INSL6: variants seen among roughly 807,000 people sequenced by gnomAD.
INSL6 encodes the protein insulin-like peptide INSL6.
In INSL6, 16 loss-of-function variants were observed where a neutral mutation model predicts 9.4. That is an observed-to-expected ratio of 1.70 (90% CI 1.15 to 2.59). INSL6 has a LOEUF of 2.59. Ranked by LOEUF, INSL6 falls within the 30% of genes most tolerant of loss-of-function variation. INSL6 has a pLI of 0.00. For synonymous variants in INSL6, 154 were observed against 96.9 expected, an observed-to-expected ratio of 1.59 and a Z score of -3.46; for missense variants, 391 against 257.3, an observed-to-expected ratio of 1.52 and a Z score of -3.56.
At chr9:5,093,789 T>G in the INSL6 span, among the ~76,000 whole-genome samples, 1 of 152,186 alleles carries the variant, frequency 6.6e-6, no homozygotes, top group African/African-American at 2.4e-5. Flanking sequence ...GACCTCGATG[T>G]TGGATCAGGA....
At chr9:5,104,939 C>CA in the INSL6 span, among the ~76,000 whole-genome samples, 1 of 152,182 alleles carries the variant, frequency 6.6e-6, no homozygotes, top group Admixed American at 6.5e-5. Context: ...ATGACAAACT[C>CA]ACAGCCAATA....
At chr9:5,072,941 A>C in the INSL6 span, among the ~76,000 whole-genome samples, 1 of 151,018 alleles carries the variant, frequency 6.6e-6, no homozygotes, top group African/African-American at 2.5e-5. Flanking sequence ...CTCCTCTACA[A>C]TTACATTTAT....
At chr9:5,074,179 G>A in the INSL6 span, among the ~76,000 whole-genome samples, 3 of 152,012 alleles carry the variant, frequency 2.0e-5, no homozygotes, top group African/African-American at 7.2e-5. Flanking sequence ...GGAACTGACA[G>A]AAATGATTAT....
the INSL6 span, among the ~76,000 whole-genome samples, chr9:5,077,293 A>C: frequency 1.3e-5 from 2 of 151,004 alleles, no homozygotes; most frequent in South Asian, 4.2e-4. Flanking sequence ...AACCAAAAAT[A>C]TAATGCTGTG....
chr9:5,048,133 GTTCTT>G, the INSL6 span, among the ~76,000 whole-genome samples: 8 of 151,762 alleles, frequency 5.3e-5, no homozygotes, highest in Non-Finnish European at 8.8e-5. Context: ...TTATCTACCA[GTTCTT>G]TTCTTTTCTT....
At chr9:5,078,215 T>A in the INSL6 span, 3 of 1,060,990 alleles carry the variant, frequency 2.8e-6, no homozygotes, top group Admixed American at 5.1e-5. Flanking sequence ...TGTATTTTTC[T>A]TCTTTAAATC....
At chr9:5,050,999 A>AT in the INSL6 span, among the ~76,000 whole-genome samples, 2 of 152,156 alleles carry the variant, frequency 1.3e-5, no homozygotes, top group African/African-American at 2.4e-5. Context: ...ATATTTCCAG[A>AT]TTTTGGAATA....
intron 1 of INSL6, among the ~76,000 whole-genome samples, chr9:5,170,388 T>C (rs1211186684): frequency 6.6e-6 from 1 of 151,636 alleles, no homozygotes; most frequent in Non-Finnish European, 1.5e-5. Context: ...TAAATGCCCA[T>C]ATCAAAAAGG....
chr9:5,091,863 G>T, the INSL6 span, among the ~76,000 whole-genome samples: 18 of 152,044 alleles, frequency 1.2e-4, no homozygotes, highest in African/African-American at 4.1e-4. Flanking sequence ...ATGAAATTAA[G>T]CTCTATTGCT....
At chr9:5,165,891 G>A (rs559899236) in intron 1 of INSL6, among the ~76,000 whole-genome samples, 2 of 152,288 alleles carry the variant, frequency 1.3e-5, no homozygotes, top group South Asian at 4.1e-4. Context: ...TGTAGAGCCA[G>A]CTCTTAGGCA....
At chr9:5,097,337 C>G in the INSL6 span, 4 of 152,142 alleles carry the variant, frequency 2.6e-5, no homozygotes, top group African/African-American at 9.7e-5. Context: ...GGGGGTGATC[C>G]TATCTTATAT....
chr9:5,063,799 C>T, the INSL6 span, among the ~76,000 whole-genome samples: 3 of 152,108 alleles, frequency 2.0e-5, no homozygotes, highest in East Asian at 5.8e-4. Context: ...TATAATACGT[C>T]TATATATTTT....
rs150997936 is a variant in INSL6 at position 5,177,335 on chromosome 9, G to A, written c.289+7979C>T. 2.9e-3 allele frequency among the ~76,000 whole-genome samples: 448 copies of A among 152,236 alleles called. 3 individuals are homozygous for A. Among genetic ancestry groups the A allele is most frequent in the African/African-American group, 0.01 (423 of 41,540 alleles). On this transcript the variant is annotated intron_variant, in intron 1 of 1. Transcript: ENST00000381641. ...AAGTGGTGAGTGATTGTGCCACCCC[G>A]CCCGGGAAATCACATTTCTCCCAGA... is the stretch of plus-strand genomic sequence containing the variant.
chr9:5,003,788 C>G, the INSL6 span, among the ~76,000 whole-genome samples: 4 of 151,974 alleles, frequency 2.6e-5, no homozygotes, highest in African/African-American at 9.7e-5. Context: ...TTTTTGAACT[C>G]TAGAAGAACA....
At chr9:5,167,969 G>T (rs1014483430) in intron 1 of INSL6, among the ~76,000 whole-genome samples, 5 of 152,160 alleles carry the variant, frequency 3.3e-5, no homozygotes, top group Non-Finnish European at 7.3e-5. Flanking sequence ...CCAGCAAACT[G>T]CAGCAACCCT....
At chr9:5,000,951 G>A in the INSL6 span, among the ~76,000 whole-genome samples, 1 of 151,886 alleles carries the variant, frequency 6.6e-6, no homozygotes, top group African/African-American at 2.4e-5. Flanking sequence ...CCCCTTCCAG[G>A]GTCAGCAAAT....
At chr9:5,010,849 G>T in the INSL6 span, among the ~76,000 whole-genome samples, 1,941 of 152,186 alleles carry the variant, frequency 0.013, 37 homozygotes, top group Non-Finnish European at 0.019. Context: ...CTTGAATTTT[G>T]AAAATTCTTA....
chr9:5,023,043 G>A, the INSL6 span, among the ~76,000 whole-genome samples: 2 of 152,134 alleles, frequency 1.3e-5, no homozygotes, highest in Non-Finnish European at 2.9e-5. Flanking sequence ...TAGCTATTTT[G>A]AAAAATACAA....
intron 1 of INSL6, among the ~76,000 whole-genome samples, chr9:5,178,837 C>T (rs950945339): frequency 2.0e-5 from 3 of 152,084 alleles, no homozygotes; most frequent in Non-Finnish European, 4.4e-5. Context: ...TGGACCCCTT[C>T]CTTACACTCT....
Sources: gnomAD v4.1 joint callset for allele counts (sites outside exome capture counted in the v4.1 genomes callset) on GRCh38, gnomAD v4.1.1 for gene constraint, MANE v1.5 for transcripts, NCBI Gene and HGNC (gene_info 2026-07-23, HGNC 2026-07-21) for gene names.